Variants in MEF2A observed in about 807,000 individuals in gnomAD.
MEF2A encodes myocyte-specific enhancer factor 2A.
Under a neutral mutation model 55.8 loss-of-function variants are expected in MEF2A, and 28 were observed. The observed-to-expected ratio is 0.50, with a 90% CI of 0.37 to 0.69. The LOEUF (loss-of-function observed/expected upper bound fraction) is 0.69. Among genes scored for constraint, MEF2A ranks in the 30% least tolerant of loss-of-function variants. The pLI is 0.00. For synonymous variants in MEF2A, 239 were observed against 227.1 expected, an observed-to-expected ratio of 1.05 and a Z score of -0.47; for missense variants, 528 against 626.2, an observed-to-expected ratio of 0.84 and a Z score of 1.67.
At chr15:99,577,066 G>A (rs1469565846) in intron 1 of MEF2A, among the ~76,000 whole-genome samples, 1 of 152,300 alleles carries the variant, frequency 6.6e-6, no homozygotes, top group African/African-American at 2.4e-5. Context: ...TCGTTCATTA[G>A]CAAGTAAAAT....
chr15:99,714,891 G>C lies in MEF2A; in HGVS notation c.*2120G>C, dbSNP rs1158920495. The C allele has an allele frequency of 9.2e-5, 12 of 130,988 alleles. No homozygotes were observed. Among genetic ancestry groups the C allele is most frequent in the African/African-American group, 3.6e-4 (12 of 33,562 alleles). The allele number at this position is 130,988 out of a possible 1,614,324, so 8.1% of individuals were successfully genotyped here. A position where few individuals can be genotyped will look rare whatever the true frequency, so the allele number is the denominator to read the frequency against. The stretch of plus-strand genomic sequence containing the variant: ...AAGTCATCAGCCAGATTTCCTGACT[G>C]ACACATAGGTATGATCAGTGCAGGA... On this transcript the variant is annotated 3_prime_UTR_variant, in exon 12 of 12. Transcript: ENST00000557942.
At chr15:99,672,586 C>T (rs1248632280) in intron 5 of MEF2A, among the ~76,000 whole-genome samples, 1 of 152,122 alleles carries the variant, frequency 6.6e-6, no homozygotes, top group Non-Finnish European at 1.5e-5. Flanking sequence ...CAAAACTGTG[C>T]CCTAAAGTAT....
At chr15:99,662,526 G>A (rs1006345189) in intron 4 of MEF2A, among the ~76,000 whole-genome samples, 15 of 150,524 alleles carry the variant, frequency 1.0e-4, no homozygotes, top group Non-Finnish European at 2.2e-4. Context: ...CCAGGCTGGA[G>A]TGCAATGGCA....
intron 7 of MEF2A, among the ~76,000 whole-genome samples, chr15:99,676,753 G>A (rs1057132908): frequency 2.0e-5 from 3 of 151,716 alleles, no homozygotes; most frequent in African/African-American, 7.3e-5. Context: ...TGTATTTTTA[G>A]TAGAGACGGA....
chr15:99,573,059 C>T lies in MEF2A; in HGVS notation c.-225+6955C>T, dbSNP rs141315596. On this transcript the variant is annotated intron_variant, in intron 1 of 11. Coordinates refer to ENST00000557942, the MANE Select transcript of MEF2A (RefSeq NM_001319206.4). ...ATCCCAGCACTTTGGGAGGCCGAGGCGGGCGATTCACGAGGTCAGGAGATC... is the reference window on the plus strand; with the variant it reads ...ATCCCAGCACTTTGGGAGGCCGAGGTGGGCGATTCACGAGGTCAGGAGATC... Among the ~76,000 whole-genome samples the T allele has an allele frequency of 9.7e-4, 148 of 152,172 alleles. 2 individuals are homozygous for T. The East Asian group carries it at 0.027, about 27-fold the overall frequency.
intron 1 of MEF2A, among the ~76,000 whole-genome samples, chr15:99,579,584 C>T (rs917226872): frequency 1.3e-5 from 2 of 151,844 alleles, no homozygotes; most frequent in East Asian, 1.9e-4. Context: ...TTAGTAGAGA[C>T]GGGGTTTTGC....
intron 1 of MEF2A, among the ~76,000 whole-genome samples, chr15:99,590,878 T>C (rs1158827548): frequency 6.6e-6 from 1 of 152,198 alleles, no homozygotes; most frequent in Non-Finnish European, 1.5e-5. Flanking sequence ...AACTTAAATG[T>C]CTTATAATTT....
chr15:99,622,702 C>CTTTT (rs56054040), intron 2 of MEF2A, among the ~76,000 whole-genome samples: 6 of 135,700 alleles, frequency 4.4e-5, no homozygotes, highest in Non-Finnish European at 6.2e-5. Flanking sequence ...GTTTTCTTTT[C>CTTTT]TTTTTTTTTT....
intron 2 of MEF2A, among the ~76,000 whole-genome samples, chr15:99,611,803 G>A (rs2039302675): frequency 6.6e-6 from 1 of 152,300 alleles, no homozygotes; most frequent in African/African-American, 2.4e-5. Flanking sequence ...TAAATGAAAT[G>A]TGGTGTATCC....
At chr15:99,657,273 C>T (rs1220537791) in intron 4 of MEF2A, 1 of 150,822 alleles carries the variant, frequency 6.6e-6, no homozygotes, top group African/African-American at 2.4e-5. Flanking sequence ...CTGTGTTTAA[C>T]TTTTTGAGGA....
chr15:99,617,796 C>G (rs887003730), intron 2 of MEF2A, among the ~76,000 whole-genome samples: 1 of 152,078 alleles, frequency 6.6e-6, no homozygotes, highest in African/African-American at 2.4e-5. Context: ...TTGACATAAA[C>G]TGTGTTTATG....
intron 1 of MEF2A, among the ~76,000 whole-genome samples, chr15:99,574,124 T>C (rs1303246698): frequency 6.6e-6 from 1 of 152,166 alleles, no homozygotes; most frequent in African/African-American, 2.4e-5. Context: ...CTCCCATTTA[T>C]ATCTGCCGCA....
At chr15:99,631,497 C>T (rs2042935362) in intron 2 of MEF2A, among the ~76,000 whole-genome samples, 1 of 152,156 alleles carries the variant, frequency 6.6e-6, no homozygotes, top group African/African-American at 2.4e-5. Context: ...GTATGAGACA[C>T]ATCCTCAGGG....
chr15:99,656,490 C>T (rs1596862471), intron 4 of MEF2A, among the ~76,000 whole-genome samples: 3 of 151,994 alleles, frequency 2.0e-5, no homozygotes, highest in South Asian at 4.1e-4. Flanking sequence ...TATGGTGGGT[C>T]CTGTAAATAC....
chr15:99,699,821 A>T (rs1369433024), intron 8 of MEF2A, among the ~76,000 whole-genome samples: 2 of 152,026 alleles, frequency 1.3e-5, no homozygotes, highest in Non-Finnish European at 2.9e-5. Flanking sequence ...ACAAATGGAC[A>T]TTGTAGATAA....
chr15:99,686,427 C>A (rs1260270636), intron 7 of MEF2A, among the ~76,000 whole-genome samples: 2 of 152,064 alleles, frequency 1.3e-5, no homozygotes, highest in Non-Finnish European at 2.9e-5. Context: ...GTGGTGAATT[C>A]TCTCAGCATT....
intron 4 of MEF2A, among the ~76,000 whole-genome samples, chr15:99,668,576 A>T (rs986800687): frequency 7.2e-5 from 11 of 152,222 alleles, no homozygotes; most frequent in African/African-American, 2.4e-4. Context: ...TATAGAGAGT[A>T]CTCAGTGCTA....
Position 99,674,546 on chromosome 15 carries a change from C to G in MEF2A, c.544C>G (p.Gln182Glu). The stretch of plus-strand genomic sequence containing the variant: ...AGATTCAAGCATGCTCTCTCCACCT[C>G]AAACCACATTACATAGAAATGTGTC... ...LTDSSMLSPPQTTLHRNVSPG... is the reference protein window; with the variant it reads ...LTDSSMLSPPETTLHRNVSPG... The change falls in exon 6 of 12, where the codon CAA becomes GAA. Residue 182 changes from glutamine (Q) to glutamate (E), a missense_variant. By Grantham distance (29) the Gln-to-Glu change is conservative. Transcript: ENST00000557942. 6.2e-7 allele frequency: 1 copy of G among 1,613,940 alleles called. No individual in the cohort carries two copies. Among genetic ancestry groups the G allele is most frequent in the East Asian group, 2.2e-5 (1 of 44,860 alleles).
chr15:99,572,288 T>A (rs1419263919), intron 1 of MEF2A, among the ~76,000 whole-genome samples: 1 of 152,184 alleles, frequency 6.6e-6, no homozygotes, highest in East Asian at 1.9e-4. Context: ...CTTTCTGTAC[T>A]CCCTCCTTGG....
Sources: allele counts gnomAD v4.1 joint callset (sites outside exome capture counted in the v4.1 genomes callset), GRCh38; gene constraint gnomAD v4.1.1; transcripts MANE v1.5; gene names NCBI Gene and HGNC (gene_info 2026-07-23, HGNC 2026-07-21).